EIF4EBP1: variants seen among roughly 807,000 people sequenced by gnomAD.
The protein encoded by EIF4EBP1 is eukaryotic translation initiation factor 4E-binding protein 1.
In EIF4EBP1, 5 loss-of-function variants were observed where a neutral mutation model predicts 9.2. The ratio of observed to expected loss-of-function variants is 0.54; its 90% CI spans 0.28 to 1.14. The LOEUF (loss-of-function observed/expected upper bound fraction) is 1.14. Among genes scored for constraint, EIF4EBP1 ranks in the 50% most tolerant of loss-of-function variants. The pLI is 0.09. For missense variants in EIF4EBP1, 139 were observed against 169.6 expected (o/e 0.82, Z 1.00); for synonymous variants, 62 against 67.0 (o/e 0.93, Z 0.36).
chr8:38,044,874 G>A (rs1219819344), intron 1 of EIF4EBP1, among the ~76,000 whole-genome samples: 1 of 152,154 alleles, frequency 6.6e-6, no homozygotes, highest in Non-Finnish European at 1.5e-5. Flanking sequence ...GAGTTGTAAG[G>A]GGGAATAAGA....
rs147055613 is a variant in EIF4EBP1 at position 38,042,938 on chromosome 8, G to T, written c.145+12220G>T. On this transcript the variant is annotated intron_variant, in intron 1 of 2. Transcript: ENST00000338825. ...AAATTACCCAGGCGTGGTGGCAGGT[G>T]CCTATAATCTCAGCTACCAGGAGGA... is the stretch of plus-strand genomic sequence containing the variant. Among the ~76,000 whole-genome samples the T allele has an allele frequency of 4.2e-3, 633 of 152,272 alleles. 7 individuals carry two copies. The highest frequency in any genetic ancestry group is 0.014 in the African/African-American group (596 of 41,568).
chr8:38,039,063 T>C (rs1326247519), intron 1 of EIF4EBP1, among the ~76,000 whole-genome samples: 1 of 151,676 alleles, frequency 6.6e-6, no homozygotes, highest in Non-Finnish European at 1.5e-5. Context: ...CAGCTAATTT[T>C]GTATTTTTAG....
chr8:38,055,425 G>A (rs1809582393), intron 1 of EIF4EBP1, among the ~76,000 whole-genome samples: 1 of 152,100 alleles, frequency 6.6e-6, no homozygotes, highest in Non-Finnish European at 1.5e-5. Context: ...AGATTTCAAG[G>A]TTATTGCTAA....
At chr8:38,049,252 A>G (rs927217580) in intron 1 of EIF4EBP1, among the ~76,000 whole-genome samples, 1 of 152,124 alleles carries the variant, frequency 6.6e-6, no homozygotes, top group Admixed American at 6.6e-5. Context: ...GAAGGCGTCA[A>G]GGCACCGTTT....
chr8:38,059,903 G>A lies in EIF4EBP1; in HGVS notation c.326-1G>A, dbSNP rs767779970. The A allele has an allele frequency of 1.1e-5, 18 of 1,614,038 alleles. No homozygotes were observed. In the Admixed American group the frequency reaches 2.2e-4, roughly 19 times the overall value. On this transcript the variant is annotated splice_acceptor_variant, in intron 2 of 2. Coordinates refer to ENST00000338825, the MANE Select transcript of EIF4EBP1 (RefSeq NM_004095.4). LOFTEE classifies it high-confidence loss of function. ...TGGCCCTCTGTCCCCTCTCTCCCCA[G>A]GTGAAGAGTCACAGTTTGAGATGGA...
chr8:38,050,207 C>T (rs111596164), intron 1 of EIF4EBP1, among the ~76,000 whole-genome samples: 22 of 152,184 alleles, frequency 1.4e-4, no homozygotes, highest in South Asian at 8.3e-4. Flanking sequence ...CCACTGCACC[C>T]GGCCTCTTTT....
intron 1 of EIF4EBP1, among the ~76,000 whole-genome samples, chr8:38,052,017 G>A (rs1280490127): frequency 6.6e-6 from 1 of 152,196 alleles, no homozygotes; most frequent in Non-Finnish European, 1.5e-5. Context: ...GTGAGTCACT[G>A]CGCCCAGCCG....
At position 38,035,176 on chromosome 8, in the gene EIF4EBP1, G is replaced by A. The variant is rs564660342; in HGVS notation, c.145+4458G>A. Among the ~76,000 whole-genome samples, 67 of 152,282 alleles carry A rather than the reference G, an allele frequency of 4.4e-4. 2 individuals are homozygous for A. The South Asian group carries it at 0.011, about 26-fold the overall frequency. On this transcript the variant is annotated intron_variant, in intron 1 of 2. Transcript: ENST00000338825. ...AAAGATTTGGTGGGGGGTTCCTGGT[G>A]TAGAGCACTCCAAAATCCCTCCAAT...
chr8:38,041,702 C>T (rs1453701667), intron 1 of EIF4EBP1, among the ~76,000 whole-genome samples: 1 of 152,200 alleles, frequency 6.6e-6, no homozygotes, highest in Non-Finnish European at 1.5e-5. Context: ...CAAAGCAAAC[C>T]ACACAAGGTC....
At chr8:38,050,805 G>A (rs1809510368) in intron 1 of EIF4EBP1, among the ~76,000 whole-genome samples, 2 of 152,062 alleles carry the variant, frequency 1.3e-5, no homozygotes, top group South Asian at 2.1e-4. Context: ...TTAAGGGTGG[G>A]GAACTCAGGA....
chr8:38,050,614 C>T (rs1419023366), intron 1 of EIF4EBP1, among the ~76,000 whole-genome samples: 2 of 152,212 alleles, frequency 1.3e-5, no homozygotes, highest in East Asian at 3.9e-4. Flanking sequence ...TCTTTTCTTT[C>T]TTTCTTTCTT....
At chr8:38,032,965 G>A (rs940980615) in intron 1 of EIF4EBP1, among the ~76,000 whole-genome samples, 1 of 151,898 alleles carries the variant, frequency 6.6e-6, no homozygotes, top group Non-Finnish European at 1.5e-5. Flanking sequence ...AGTCTTCCAG[G>A]TGCTTGAGGA....
chr8:38,056,998 C>T (rs1809604306), intron 1 of EIF4EBP1, 83 bp from the exon 2 acceptor site: 2 of 1,445,048 alleles, frequency 1.4e-6, no homozygotes, highest in Non-Finnish European at 1.9e-6. Context: ...GCTGCCTCTA[C>T]TGCAGCCACG....
intron 1 of EIF4EBP1, among the ~76,000 whole-genome samples, chr8:38,046,414 A>T (rs1809450446): frequency 6.6e-6 from 1 of 152,158 alleles, no homozygotes; most frequent in Non-Finnish European, 1.5e-5. Flanking sequence ...GCTGAAGTTT[A>T]TGATGGTTCT....
chr8:38,057,310 A>G (rs1226839550), intron 2 of EIF4EBP1, 50 bp downstream of exon 2: 1 of 1,531,712 alleles, frequency 6.5e-7, no homozygotes. Context: ...GGAATGTATG[A>G]GGCTCCTGGA....
chr8:38,033,222 T>C (rs891914816), intron 1 of EIF4EBP1, among the ~76,000 whole-genome samples: 2 of 151,778 alleles, frequency 1.3e-5, no homozygotes, highest in African/African-American at 4.8e-5. Flanking sequence ...GCACCACCCA[T>C]GCCCAGCTGA....
At chr8:38,053,697 C>G (rs778105863) in intron 1 of EIF4EBP1, among the ~76,000 whole-genome samples, 1 of 152,194 alleles carries the variant, frequency 6.6e-6, no homozygotes, top group African/African-American at 2.4e-5. Context: ...CGCGCACACT[C>G]TCAATGGGAT....
At chr8:38,031,857 A>C (rs1052743139) in intron 1 of EIF4EBP1, among the ~76,000 whole-genome samples, 1 of 152,174 alleles carries the variant, frequency 6.6e-6, no homozygotes, top group Non-Finnish European at 1.5e-5. Flanking sequence ...TCTGTTGCCC[A>C]TTGTCACACC....
At chr8:38,050,267 G>T (rs1809501977) in intron 1 of EIF4EBP1, among the ~76,000 whole-genome samples, 3 of 152,058 alleles carry the variant, frequency 2.0e-5, no homozygotes, top group Admixed American at 2.0e-4. Context: ...TCCTCCTGTT[G>T]ATTTGCTTAG....
Sources: allele counts gnomAD v4.1 joint callset (sites outside exome capture counted in the v4.1 genomes callset), GRCh38; gene constraint gnomAD v4.1.1; transcripts MANE v1.5; gene names NCBI Gene and HGNC (gene_info 2026-07-23, HGNC 2026-07-21).